The following PCYT1B variants were observed in gnomAD, a reference collection of about 807,000 sequenced individuals.
PCYT1B encodes phosphate cytidylyltransferase 1B, choline.
Under a neutral mutation model 26.4 loss-of-function variants are expected in PCYT1B, and 10 were observed. The observed-to-expected ratio is 0.38, with a 90% CI of 0.23 to 0.64. The LOEUF is 0.64. PCYT1B is among the 30% of genes least tolerant of loss of function. The pLI is 0.56. For synonymous variants in PCYT1B, 131 were observed against 108.4 expected (o/e 1.21, Z -1.29); for missense variants, 161 against 292.7 (o/e 0.55, Z 3.28).
intron 7 of PCYT1B, among the ~76,000 whole-genome samples, chrX:24,569,671 G>A (rs1254104685): frequency 1.8e-5 from 2 of 112,234 alleles, no homozygotes; most frequent in African/African-American, 3.2e-5. Flanking sequence ...AATGCTGTAT[G>A]ATTCCACTCA....
At chrX:24,652,156 T>A (rs1926796857), upstream of PCYT1B, among the ~76,000 whole-genome samples, 1 of 112,480 alleles carries the variant, frequency 8.9e-6, no homozygotes, top group Non-Finnish European at 1.9e-5. Flanking sequence ...ATCAGTGCTG[T>A]CCCTAACAAG....
At chrX:24,654,122 A>G (rs1389671795) in intron 1 of PCYT1B, among the ~76,000 whole-genome samples, 4 of 37,487 alleles carry the variant, frequency 1.1e-4, no homozygotes, top group Admixed American at 4.7e-4. Context: ...TTTTTTTTTG[A>G]GATGGAGTCT....
intron 5 of PCYT1B, 67 bp downstream of exon 5, chrX:24,587,174 C>G (rs961961292): frequency 2.6e-6 from 2 of 768,644 alleles, no homozygotes; most frequent in African/African-American, 2.0e-5. Flanking sequence ...CCAGGGCAGA[C>G]AGATGTCTCT....
intron 3 of PCYT1B, among the ~76,000 whole-genome samples, chrX:24,604,090 ATT>A (rs59247936): frequency 3.9e-4 from 39 of 100,884 alleles, no homozygotes; most frequent in African/African-American, 7.6e-4. Context: ...ATGTCACTGA[ATT>A]TTTTTTTTTT....
chrX:24,660,700 GA>G (rs1220357160), intron 1 of PCYT1B, among the ~76,000 whole-genome samples: 3 of 106,244 alleles, frequency 2.8e-5, no homozygotes, highest in Non-Finnish European at 5.8e-5. Flanking sequence ...AAAAAAAGAG[GA>G]AAAAAAAGAC....
intron 1 of PCYT1B, among the ~76,000 whole-genome samples, chrX:24,636,873 GT>G (rs1208000273): frequency 8.9e-6 from 1 of 111,899 alleles, no homozygotes; most frequent in East Asian, 2.8e-4. Context: ...ATTCCTGCAG[GT>G]GGTTGTAGAT....
intron 7 of PCYT1B, among the ~76,000 whole-genome samples, chrX:24,573,545 C>T (rs892321886): frequency 7.2e-5 from 8 of 111,047 alleles, no homozygotes; most frequent in East Asian, 5.6e-4. Context: ...TCCCTGTAAA[C>T]GAATGAACAC....
chrX:24,626,170 T>G (rs1925878395), intron 1 of PCYT1B, among the ~76,000 whole-genome samples: 1 of 111,740 alleles, frequency 8.9e-6, no homozygotes, highest in South Asian at 3.8e-4. Flanking sequence ...GCTAATATGG[T>G]AGCCATTAGT....
intron 7 of PCYT1B, among the ~76,000 whole-genome samples, chrX:24,569,471 G>A (rs1268738507): frequency 8.9e-6 from 1 of 111,775 alleles, no homozygotes; most frequent in Non-Finnish European, 1.9e-5. Flanking sequence ...ATTGAAAGCA[G>A]AACTCAAACA....
chrX:24,622,368 A>G (rs1482659276), intron 1 of PCYT1B, among the ~76,000 whole-genome samples: 1 of 112,073 alleles, frequency 8.9e-6, no homozygotes, highest in Non-Finnish European at 1.9e-5. Flanking sequence ...TCTCTGAGCC[A>G]GAACAAATCA....
At position 24,647,313 on chromosome X, in the gene PCYT1B, G is replaced by C. The variant is rs1227619444; in HGVS notation, c.-208C>G. 3 of 1,012,553 alleles carry C rather than the reference G, an allele frequency of 3.0e-6. No individual in the cohort carries two copies. The Admixed American group carries it at 1.4e-4, about 46-fold the overall frequency. The allele number at this position is 1,012,553 out of a possible 1,213,427, so 83.4% of individuals were successfully genotyped here. On this transcript the variant is annotated 5_prime_UTR_variant, in exon 1 of 8. Coordinates refer to ENST00000379144, the MANE Select transcript of PCYT1B (RefSeq NM_004845.5). The stretch of plus-strand genomic sequence containing the variant: ...TCTCTCCCAGAAGCCAAGAGGCAAG[G>C]CCTCAGTTTATCACTATAACAACCA...
intron 1 of PCYT1B, among the ~76,000 whole-genome samples, chrX:24,668,742 G>A (rs1344933839): frequency 9.1e-6 from 1 of 109,582 alleles, no homozygotes; most frequent in Non-Finnish European, 1.9e-5. Context: ...AGTGTAAAAT[G>A]ATTTCACATA....
intron 1 of PCYT1B, among the ~76,000 whole-genome samples, chrX:24,666,932 C>T (rs1927140188): frequency 9.1e-6 from 1 of 109,866 alleles, no homozygotes; most frequent in Non-Finnish European, 1.9e-5. Context: ...CCCCAGATTT[C>T]ACAAGAGACA....
Position 24,654,980 on chromosome X carries a change from A to G in PCYT1B, c.63+17590T>C, listed in dbSNP as rs770771471. Among the ~76,000 whole-genome samples, 5 of 111,378 alleles carry G rather than the reference A, an allele frequency of 4.5e-5. No individual in the cohort carries two copies. In the South Asian group the frequency reaches 1.9e-3, roughly 42 times the overall value. The stretch of plus-strand genomic sequence containing the variant: ...TACAGGAAAATACTCTACCATACTA[A>G]GTAATGAAATCCATACATAAATCCT... On this transcript the variant is annotated intron_variant, in intron 1 of 7. Coordinates refer to the PCYT1B transcript ENST00000379145.
chrX:24,648,475 T>TTTTTC (rs1926696696), upstream of PCYT1B, among the ~76,000 whole-genome samples: 1 of 92,940 alleles, frequency 1.1e-5, no homozygotes, highest in African/African-American at 4.5e-5. Flanking sequence ...TTTTTTTTTT[T>TTTTTC]GCGAAGGGCG....
At chrX:24,660,280 T>G (rs1927001686) in intron 1 of PCYT1B, among the ~76,000 whole-genome samples, 1 of 112,373 alleles carries the variant, frequency 8.9e-6, no homozygotes, top group South Asian at 3.7e-4. Flanking sequence ...CCTATTTGTG[T>G]ATGTGTCCCA....
Position 24,562,332 on chromosome X carries a change from A to G in PCYT1B, c.1071T>C (p.Ser357=). 8.6e-7 allele frequency: 1 copy of G among 1,167,246 alleles called. No individual in the cohort carries two copies. Among genetic ancestry groups the G allele is most frequent in the Non-Finnish European group, 1.1e-6 (1 of 873,744 alleles). ...PPSSPKAASA[S]ISSMSEGDED... ...CATCCCCCTCGCTCATGCTGCTGAT[A>G]GAGGCTGAGGCTGCTTTGGGTGAGG... The change falls in exon 8 of 8, where the codon TCT becomes TCC. Residue 357 remains serine, a synonymous_variant. Transcript: ENST00000379144.
chrX:24,647,727 C>T (rs920510235), upstream of PCYT1B, among the ~76,000 whole-genome samples: 1 of 111,697 alleles, frequency 9.0e-6, no homozygotes, highest in Non-Finnish European at 1.9e-5. Flanking sequence ...ACTTTTGAGC[C>T]CAAATTCATT....
intron 1 of PCYT1B, among the ~76,000 whole-genome samples, chrX:24,642,261 C>T (rs2148271033): frequency 8.9e-6 from 1 of 112,195 alleles, no homozygotes; most frequent in African/African-American, 3.2e-5. Flanking sequence ...TGTTAACCAC[C>T]TGGCTGACTG....
Sources: allele counts gnomAD v4.1 joint callset (sites outside exome capture counted in the v4.1 genomes callset), GRCh38; gene constraint gnomAD v4.1.1; transcripts MANE v1.5; gene names NCBI Gene and HGNC (gene_info 2026-07-23, HGNC 2026-07-21).